GLE1: variants seen among roughly 807,000 people sequenced by gnomAD.
GLE1 encodes the protein mRNA export factor GLE1.
GLE1 carries 78 observed loss-of-function variants against 97.3 expected under a neutral mutation model. The observed-to-expected ratio is 0.80, with a 90% CI of 0.67 to 0.97. GLE1 has a LOEUF of 0.97. GLE1 is among the 50% of genes least tolerant of loss of function. The probability of loss-of-function intolerance (pLI) is 0.00; values close to 1 mark genes in which losing one functional copy is unlikely to be tolerated. For missense variants in GLE1, 753 were observed against 857.5 expected (o/e 0.88, Z 1.52); for synonymous variants, 302 against 313.4 (o/e 0.96, Z 0.39).
chr9:128,538,760 A>G (rs966618811), intron 13 of GLE1, among the ~76,000 whole-genome samples: 10 of 152,108 alleles, frequency 6.6e-5, no homozygotes, highest in African/African-American at 2.4e-4. Context: ...CATTAGTGTG[A>G]TCATAGCTCA....
chr9:128,533,075 C>A (rs1342365294), intron 9 of GLE1, among the ~76,000 whole-genome samples: 3 of 152,066 alleles, frequency 2.0e-5, no homozygotes, highest in African/African-American at 7.2e-5. Context: ...TACTGTTTAT[C>A]CCTTCATTTC....
intron 1 of GLE1, among the ~76,000 whole-genome samples, chr9:128,505,502 T>C (rs1159457272): frequency 1.3e-5 from 2 of 152,194 alleles, no homozygotes; most frequent in African/African-American, 4.8e-5. Flanking sequence ...CTAAAGTATT[T>C]CCCTGTCTTT....
chr9:128,522,399 G>A (rs546962600), intron 3 of GLE1, among the ~76,000 whole-genome samples: 62 of 152,194 alleles, frequency 4.1e-4, no homozygotes, highest in Non-Finnish European at 7.6e-4. Flanking sequence ...GCTCACGCCT[G>A]TAATCCGAGC....
intron 7 of GLE1, 92 bp downstream of exon 7, chr9:128,525,515 G>C: frequency 2.3e-6 from 2 of 879,532 alleles, no homozygotes; most frequent in Non-Finnish European, 3.7e-6. Flanking sequence ...TTAAACTGTA[G>C]GACAGTTAAC....
intron 9 of GLE1, among the ~76,000 whole-genome samples, chr9:128,530,915 A>G (rs1847480901): frequency 7.5e-6 from 1 of 133,514 alleles, no homozygotes; most frequent in African/African-American, 2.9e-5. Flanking sequence ...TCTCAAAAAA[A>G]AAAAAAAGGT....
intron 7 of GLE1, among the ~76,000 whole-genome samples, chr9:128,526,589 C>G (rs1177829401): frequency 6.6e-6 from 1 of 152,068 alleles, no homozygotes; most frequent in African/African-American, 2.4e-5. Context: ...GAACTCCCGA[C>G]CTCAGGTGAT....
At chr9:128,507,674 G>A (rs1846680631) in intron 1 of GLE1, among the ~76,000 whole-genome samples, 1 of 151,792 alleles carries the variant, frequency 6.6e-6, no homozygotes, top group Admixed American at 6.6e-5. Context: ...GATCACCTGA[G>A]GTCAGGAGTT....
Position 128,522,684 on chromosome 9 carries a change from G to A in GLE1, c.449G>A (p.Trp150Ter). 1 of 1,612,920 alleles carries A rather than the reference G, an allele frequency of 6.2e-7. No homozygotes were observed. Among genetic ancestry groups the A allele is most frequent in the Non-Finnish European group, 8.5e-7 (1 of 1,179,452 alleles). Residue 150 changes from tryptophan (W) to a stop codon, truncating the protein, a stop_gained, in exon 4 of 16, where the codon TGG becomes TAG. Transcript: ENST00000309971. LOFTEE classifies it high-confidence loss of function. ...RMKGTEGLRLWQEEQERKVQA... is the reference protein window; with the variant it reads ...RMKGTEGLRL ...CCTTTTCAGGAGGGCCTGAGGCTAT[G>A]GCAGGAGGAGCAGGAGAGGAAGGTG...
At chr9:128,515,438 G>A (rs1262063984) in intron 2 of GLE1, 91 bp from the exon 3 acceptor site, 7 of 740,854 alleles carry the variant, frequency 9.4e-6, no homozygotes, top group Non-Finnish European at 1.7e-5. Context: ...TTCATAAGTT[G>A]GGATGTGGTC....
chr9:128,505,341 G>A (rs1319555588), intron 1 of GLE1, among the ~76,000 whole-genome samples: 3 of 152,102 alleles, frequency 2.0e-5, no homozygotes, highest in Non-Finnish European at 4.4e-5. Context: ...AAGTGAATGG[G>A]GGCGTGGTCA....
intron 3 of GLE1, among the ~76,000 whole-genome samples, chr9:128,517,618 GA>G (rs1207416262): frequency 6.6e-6 from 1 of 152,090 alleles, no homozygotes; most frequent in East Asian, 1.9e-4. Flanking sequence ...TGCATCTTTG[GA>G]AATTTTTCCC....
chr9:128,530,677 A>G (rs1169664484), intron 9 of GLE1, among the ~76,000 whole-genome samples: 2 of 150,630 alleles, frequency 1.3e-5, no homozygotes, highest in Non-Finnish European at 2.9e-5. Flanking sequence ...TGGGAGGCCG[A>G]GCCTGGCGGG....
Position 128,509,028 on chromosome 9 carries a change from T to C in GLE1, c.252T>C (p.Phe84=), listed in dbSNP as rs1846726163. The C allele has an allele frequency of 1.2e-6, 2 of 1,614,000 alleles. No homozygotes were observed. Among genetic ancestry groups the C allele is most frequent in the Non-Finnish European group, 1.7e-6 (2 of 1,179,866 alleles). ...TSASALDQPS[F]VPKSPDASSA... ...CTTCAGCCCTAGATCAACCCTCATT[T>C]GTTCCCAAATCTCCTGACGCAAGCT... Residue 84 remains phenylalanine, a synonymous_variant, in exon 2 of 16, where the codon TTT becomes TTC. Transcript: ENST00000309971.
intron 2 of GLE1, among the ~76,000 whole-genome samples, chr9:128,511,453 A>T (rs1046217653): frequency 1.3e-5 from 2 of 151,714 alleles, no homozygotes; most frequent in African/African-American, 4.8e-5. Context: ...CACGCCTGTA[A>T]TCCCAGCACT....
chr9:128,520,255 A>T (rs974191708), intron 3 of GLE1, among the ~76,000 whole-genome samples: 5 of 149,922 alleles, frequency 3.3e-5, no homozygotes, highest in Non-Finnish European at 5.9e-5. Context: ...GTCTCCAAAA[A>T]ATATATATAT....
In GLE1 at chr9:128,541,998, G is replaced by A. The variant is rs1164691059; in HGVS notation, c.*828G>A. On this transcript the variant is annotated 3_prime_UTR_variant, in exon 16 of 16. Coordinates refer to ENST00000309971, the MANE Select transcript of GLE1 (RefSeq NM_001003722.2). ...CATTGAATTGGGATTAAATAAAGAT[G>A]TTGGGCAGGAACTGAACACTGCTAA... 6.6e-6 allele frequency: 1 copy of A among 152,216 alleles called. No homozygotes were observed. Among genetic ancestry groups the A allele is most frequent in the Non-Finnish European group, 1.5e-5 (1 of 68,054 alleles). The allele number at this position is 152,216 out of a possible 1,614,324, so 9.4% of individuals were successfully genotyped here. A position where few individuals can be genotyped will look rare whatever the true frequency, so the allele number is the denominator to read the frequency against.
chr9:128,526,442 C>A (rs183851555), intron 7 of GLE1, among the ~76,000 whole-genome samples: 1 of 151,426 alleles, frequency 6.6e-6, no homozygotes, highest in East Asian at 2.0e-4. Context: ...CTACAACCTC[C>A]GCCTCCCAGG....
At chr9:128,514,425 G>A (rs897483722) in intron 2 of GLE1, among the ~76,000 whole-genome samples, 1 of 149,938 alleles carries the variant, frequency 6.7e-6, no homozygotes, top group African/African-American at 2.4e-5. Flanking sequence ...AGTCCATACT[G>A]GGTGTAGGAG....
intron 2 of GLE1, among the ~76,000 whole-genome samples, chr9:128,515,320 C>CA (rs946473940): frequency 3.1e-4 from 47 of 152,120 alleles, no homozygotes; most frequent in African/African-American, 1.1e-3. Context: ...CCCAAAGTAA[C>CA]AAACATCAAT....
Sources: gnomAD v4.1 joint callset for allele counts (sites outside exome capture counted in the v4.1 genomes callset) on GRCh38, gnomAD v4.1.1 for gene constraint, MANE v1.5 for transcripts, NCBI Gene and HGNC (gene_info 2026-07-23, HGNC 2026-07-21) for gene names.